WFDC1: variants seen among roughly 807,000 people sequenced by gnomAD.
WFDC1 encodes the protein WAP four-disulfide core domain protein 1.
A neutral mutation model predicts 32.9 loss-of-function variants in WFDC1; 39 were observed. The ratio of observed to expected loss-of-function variants is 1.19; its 90% confidence interval spans 0.92 to 1.55. The LOEUF is 1.55. Among genes scored for constraint, WFDC1 ranks in the 40% most tolerant of loss-of-function variants. WFDC1 has a pLI of 0.00. For synonymous variants in WFDC1, 184 were observed against 137.4 expected (o/e 1.34, Z -2.37); for missense variants, 386 against 309.5 (o/e 1.25, Z -1.85).
chr16:84,299,527 C>T (rs1481661435), intron 1 of WFDC1, among the ~76,000 whole-genome samples: 1 of 152,146 alleles, frequency 6.6e-6, no homozygotes, highest in Non-Finnish European at 1.5e-5. Flanking sequence ...TTTGGTTTTT[C>T]TTTCCTGGCA....
At position 84,296,417 on chromosome 16, in the gene WFDC1, A is replaced by C. The variant is rs527508480; in HGVS notation, c.144+1302A>C. Among the ~76,000 whole-genome samples, 116 of 152,286 alleles carry C rather than the reference A, an allele frequency of 7.6e-4. 1 individual carries two copies. Among genetic ancestry groups the C allele is most frequent in the Non-Finnish European group, 1.4e-3 (96 of 68,024 alleles). ...TTGTGGGTGAATTATGAGCGGCTGC[A>C]GTGGTAGCACGGGATGCGTGTGCAG... On this transcript the variant is annotated intron_variant, in intron 1 of 6. Coordinates refer to ENST00000219454, the MANE Select transcript of WFDC1 (RefSeq NM_021197.4).
At chr16:84,312,315 C>G (rs1907680695) in intron 1 of WFDC1, among the ~76,000 whole-genome samples, 1 of 152,170 alleles carries the variant, frequency 6.6e-6, no homozygotes, top group South Asian at 2.1e-4. Context: ...ACCACGTGTT[C>G]CCAGCCAGTC....
intron 3 of WFDC1, chr16:84,319,184 T>G: frequency 1.9e-6 from 1 of 536,880 alleles, no homozygotes; most frequent in Non-Finnish European, 3.3e-6. Context: ...CCTGTGAGAG[T>G]ATGTTTGGGA....
At chr16:84,315,630 C>T (rs910925526) in intron 2 of WFDC1, among the ~76,000 whole-genome samples, 7 of 152,210 alleles carry the variant, frequency 4.6e-5, no homozygotes, top group East Asian at 1.9e-4. Flanking sequence ...GGCGCTCTCC[C>T]GTGCACTGTA....
chr16:84,308,880 C>T (rs1202740209), intron 1 of WFDC1, among the ~76,000 whole-genome samples: 3 of 151,110 alleles, frequency 2.0e-5, no homozygotes, highest in Admixed American at 6.6e-5. Context: ...CCAGCCTGGG[C>T]ATAGATGCCA....
intron 1 of WFDC1, among the ~76,000 whole-genome samples, chr16:84,311,663 G>C (rs1907633579): frequency 6.9e-6 from 1 of 145,602 alleles, no homozygotes; most frequent in African/African-American, 2.5e-5. Context: ...CAAGTACCTG[G>C]GACTACAGGA....
chr16:84,325,206 CTTT>C (rs112261493), intron 5 of WFDC1, among the ~76,000 whole-genome samples: 7 of 136,426 alleles, frequency 5.1e-5, no homozygotes, highest in Admixed American at 7.3e-5. Flanking sequence ...ACCCATCTAC[CTTT>C]TTTTTTTTTT....
intron 1 of WFDC1, among the ~76,000 whole-genome samples, chr16:84,308,387 G>C (rs148889513): frequency 6.6e-6 from 1 of 152,162 alleles, no homozygotes; most frequent in Non-Finnish European, 1.5e-5. Flanking sequence ...GACTGCGCTC[G>C]GTCCCAGCCA....
intron 1 of WFDC1, among the ~76,000 whole-genome samples, chr16:84,309,696 GC>G (rs201591256): frequency 1.3e-5 from 2 of 151,868 alleles, no homozygotes; most frequent in African/African-American, 4.8e-5. Flanking sequence ...GCAGAGCCGC[GC>G]CCCCCCAACT....
Position 84,326,842 on chromosome 16 carries a change from T to C in WFDC1, c.605-40T>C, listed in dbSNP as rs372102919. 8.1e-6 allele frequency: 13 copies of C among 1,613,488 alleles called. No individual in the cohort carries two copies. The African/African-American group carries it at 1.3e-4, about 17-fold the overall frequency. On this transcript the variant is annotated intron_variant, in intron 5 of 6. Coordinates refer to ENST00000219454, the MANE Select transcript of WFDC1 (RefSeq NM_021197.4). ...GCCACGGGGGGCATTAGAGCAGGAA[T>C]AGATACATCTACCCCAACAGAGCTG...
chr16:84,319,633 G>A (rs1263718225), intron 4 of WFDC1, 62 bp downstream of exon 4: 17 of 1,579,820 alleles, frequency 1.1e-5, no homozygotes, highest in East Asian at 4.5e-5. Context: ...CCCTGTAAGC[G>A]CCTCTCACCC....
intron 4 of WFDC1, among the ~76,000 whole-genome samples, chr16:84,320,441 G>T (rs4782609): frequency 3.9e-5 from 6 of 152,080 alleles, no homozygotes; most frequent in Non-Finnish European, 8.8e-5. Context: ...GGACTGTTCA[G>T]TTTGACTTAA....
In WFDC1 at chr16:84,319,486, C is replaced by G; in HGVS notation, c.477C>G (p.Gly159=). Residue 159 remains glycine (G), a synonymous_variant, in exon 4 of 7, where the codon GGC becomes GGG. Coordinates refer to ENST00000219454, the MANE Select transcript of WFDC1 (RefSeq NM_021197.4). The part of the protein sequence containing the change: ...DGAEPLLCPS[G]YECHILSPGD... ...CCGAACCCCTGCTCTGTCCCTCGGG[C>G]TATGAGTGCCACATCCTGAGCCCAG... 6.2e-7 allele frequency: 1 copy of G among 1,612,674 alleles called. No individual in the cohort carries two copies. The highest frequency in any genetic ancestry group is 8.5e-7 in the Non-Finnish European group (1 of 1,179,954).
At chr16:84,327,047 G>A in intron 6 of WFDC1, 92 bp downstream of exon 6, 1 of 1,287,994 alleles carries the variant, frequency 7.8e-7, no homozygotes, top group Non-Finnish European at 1.1e-6. Flanking sequence ...GAGCAGGAGG[G>A]TGAGAGTAGC....
chr16:84,309,869 TG>T (rs1424700002), intron 1 of WFDC1, among the ~76,000 whole-genome samples: 1 of 2,498 alleles, frequency 4.0e-4, no homozygotes, highest in Non-Finnish European at 6.2e-4. Context: ...GGGGCGTGCT[TG>T]TGTGTGTGTG....
chr16:84,315,825 A>G (rs539047021), intron 2 of WFDC1, among the ~76,000 whole-genome samples: 54 of 152,258 alleles, frequency 3.5e-4, no homozygotes, highest in Non-Finnish European at 6.2e-4. Context: ...CTTCATTGCC[A>G]TCTGGATTTG....
chr16:84,325,306 A>T (rs750301329), intron 5 of WFDC1, among the ~76,000 whole-genome samples: 34 of 151,658 alleles, frequency 2.2e-4, no homozygotes, highest in Non-Finnish European at 4.6e-4. Context: ...GGGTTCAAGC[A>T]GTTCTCCTGC....
intron 4 of WFDC1, among the ~76,000 whole-genome samples, chr16:84,320,820 C>A (rs1216435906): frequency 6.6e-6 from 1 of 152,104 alleles, no homozygotes; most frequent in Non-Finnish European, 1.5e-5. Context: ...TTACAGTGAC[C>A]CTATTTGCCG....
At chr16:84,296,607 C>T (rs1437684229) in intron 1 of WFDC1, among the ~76,000 whole-genome samples, 1 of 152,112 alleles carries the variant, frequency 6.6e-6, no homozygotes, top group Non-Finnish European at 1.5e-5. Context: ...AAATCTGGGC[C>T]TCCAGGGCTC....
Sources: allele counts gnomAD v4.1 joint callset (sites outside exome capture counted in the v4.1 genomes callset), GRCh38; gene constraint gnomAD v4.1.1; transcripts MANE v1.5; gene names NCBI Gene and HGNC (gene_info 2026-07-23, HGNC 2026-07-21).